The following COL21A1 variants were observed in gnomAD, a reference collection of about 807,000 sequenced individuals.
The protein encoded by COL21A1 is collagen type XXI alpha 1 chain.
Under a neutral mutation model 137.9 loss-of-function variants are expected in COL21A1, and 149 were observed. The observed-to-expected ratio is 1.08, with a 90% CI of 0.95 to 1.24. The LOEUF (loss-of-function observed/expected upper bound fraction) is 1.24. Among genes scored for constraint, COL21A1 ranks in the 50% most tolerant of loss-of-function variants. The probability of loss-of-function intolerance (pLI) is 0.00; values close to 1 mark genes in which losing one functional copy is unlikely to be tolerated. For missense variants in COL21A1, 1,167 were observed against 1,158.4 expected, an observed-to-expected ratio of 1.01 and a Z score of -0.11; for synonymous variants, 456 against 391.5, an observed-to-expected ratio of 1.16 and a Z score of -1.95.
chr6:56,331,333 C>G (rs1055604783), intron 1 of COL21A1, among the ~76,000 whole-genome samples: 1 of 150,908 alleles, frequency 6.6e-6, no homozygotes, highest in Non-Finnish European at 1.5e-5. Flanking sequence ...TTTTTTAGGT[C>G]TTTGTCATAA....
At chr6:56,190,509 G>A (rs1778593795) in intron 1 of COL21A1, among the ~76,000 whole-genome samples, 1 of 152,130 alleles carries the variant, frequency 6.6e-6, no homozygotes, top group Admixed American at 6.6e-5. Context: ...TCTGCCAGAG[G>A]TAAAAAGAGG....
intron 1 of COL21A1, among the ~76,000 whole-genome samples, chr6:56,245,753 C>T (rs1458169064): frequency 1.3e-5 from 2 of 152,152 alleles, no homozygotes; most frequent in Non-Finnish European, 2.9e-5. Context: ...TGCCTCAGAC[C>T]AAAGTTCCTG....
At chr6:56,206,906 C>G (rs1470184090) in intron 1 of COL21A1, among the ~76,000 whole-genome samples, 1 of 151,854 alleles carries the variant, frequency 6.6e-6, no homozygotes, top group East Asian at 1.9e-4. Flanking sequence ...TGCACAACTA[C>G]TTGGAAACTG....
At chr6:56,161,422 G>C (rs971969928) in intron 9 of COL21A1, among the ~76,000 whole-genome samples, 23 of 152,178 alleles carry the variant, frequency 1.5e-4, no homozygotes, top group African/African-American at 5.5e-4. Flanking sequence ...TGCAAGCTGG[G>C]GTGGACCTGG....
intron 1 of COL21A1, among the ~76,000 whole-genome samples, chr6:56,375,985 T>C (rs2093998468): frequency 6.6e-6 from 1 of 152,210 alleles, no homozygotes; most frequent in Non-Finnish European, 1.5e-5. Context: ...CTAGTGGATT[T>C]GGTTGTTTAG....
chr6:56,347,869 A>C (rs1372881474), intron 1 of COL21A1, among the ~76,000 whole-genome samples: 1 of 152,250 alleles, frequency 6.6e-6, no homozygotes, highest in South Asian at 2.1e-4. Flanking sequence ...AAATAACAAA[A>C]CCCATTGATT....
intron 1 of COL21A1, among the ~76,000 whole-genome samples, chr6:56,341,438 A>G (rs1395852332): frequency 1.3e-5 from 2 of 152,236 alleles, no homozygotes; most frequent in Non-Finnish European, 2.9e-5. Context: ...ATGAAAAGAC[A>G]TGGAGGAAAC....
At chr6:56,124,142 T>C in intron 15 of COL21A1, 27 bp from the exon 16 acceptor site, 1 of 1,536,630 alleles carries the variant, frequency 6.5e-7, no homozygotes, top group Non-Finnish European at 8.8e-7. Context: ...TATGCTTTAA[T>C]ATATTTTTGC....
intron 1 of COL21A1, among the ~76,000 whole-genome samples, chr6:56,191,220 C>G (rs576525543): frequency 1.3e-5 from 2 of 152,172 alleles, no homozygotes; most frequent in East Asian, 3.9e-4. Context: ...TGTCTCAGCC[C>G]AAAATCTTCT....
chr6:56,392,505 A>G (rs887755443), intron 1 of COL21A1, among the ~76,000 whole-genome samples: 2 of 152,206 alleles, frequency 1.3e-5, no homozygotes, highest in Non-Finnish European at 2.9e-5. Flanking sequence ...GCAATCAGAC[A>G]AGAGAACAAA....
At chr6:56,235,723 G>C (rs998892857) in intron 1 of COL21A1, among the ~76,000 whole-genome samples, 1 of 151,756 alleles carries the variant, frequency 6.6e-6, no homozygotes, top group Non-Finnish European at 1.5e-5. Context: ...TGTCTAATTG[G>C]TTATTCATAA....
intron 1 of COL21A1, among the ~76,000 whole-genome samples, chr6:56,291,723 G>A (rs768266147): frequency 1.3e-5 from 2 of 152,222 alleles, no homozygotes; most frequent in Non-Finnish European, 2.9e-5. Flanking sequence ...GAAAAGTCCT[G>A]TGTTAGAGGA....
rs567232880 is a variant in COL21A1, at chr6:56,301,810, G to T, written c.-39+92161C>A. Among the ~76,000 whole-genome samples, 77 of 151,990 alleles carry T rather than the reference G, an allele frequency of 5.1e-4. 1 individual carries two copies. The South Asian group carries it at 0.016, about 31-fold the overall frequency. ...GTGCCATGCTGGTGTGCTGCACCCA[G>T]TAACTCGTCATTTAACATTAGGTAT... On this transcript the variant is annotated intron_variant, in intron 1 of 28. Transcript: ENST00000370819.
At chr6:56,376,851 G>A (rs968732375) in intron 1 of COL21A1, among the ~76,000 whole-genome samples, 5 of 117,216 alleles carry the variant, frequency 4.3e-5, no homozygotes, top group South Asian at 5.2e-4. Context: ...CCCCAAACAA[G>A]GACACCAATT....
chr6:56,087,463 G>A (rs1286347904), intron 17 of COL21A1, among the ~76,000 whole-genome samples: 6 of 152,134 alleles, frequency 3.9e-5, no homozygotes, highest in Non-Finnish European at 7.4e-5. Context: ...TGGGTGGCTG[G>A]AGACATTGTC....
At chr6:56,377,731 C>T (rs1010507977) in intron 1 of COL21A1, among the ~76,000 whole-genome samples, 11 of 152,116 alleles carry the variant, frequency 7.2e-5, no homozygotes, top group African/African-American at 2.2e-4. Flanking sequence ...TACTAAGACA[C>T]CAGCTGCGGC....
At chr6:56,312,414 A>T (rs553057910) in intron 1 of COL21A1, among the ~76,000 whole-genome samples, 2 of 152,368 alleles carry the variant, frequency 1.3e-5, no homozygotes, top group East Asian at 1.9e-4. Flanking sequence ...ACTGACTCCC[A>T]GCTTTCAGGC....
chr6:56,126,221 A>C, intron 12 of COL21A1, 72 bp from the exon 13 acceptor site: 1 of 942,510 alleles, frequency 1.1e-6, no homozygotes, highest in Non-Finnish European at 1.6e-6. Flanking sequence ...TCTATTCTTC[A>C]ACCTCACCCT....
At chr6:56,115,803 T>C (rs113953531) in intron 16 of COL21A1, among the ~76,000 whole-genome samples, 3 of 152,086 alleles carry the variant, frequency 2.0e-5, no homozygotes, top group African/African-American at 7.2e-5. Flanking sequence ...CAGAATTATA[T>C]TAGATAAATT....
Sources: allele counts gnomAD v4.1 joint callset (sites outside exome capture counted in the v4.1 genomes callset), GRCh38; gene constraint gnomAD v4.1.1; transcripts MANE v1.5; gene names NCBI Gene and HGNC (gene_info 2026-07-23, HGNC 2026-07-21).